The following CACNA1B variants were observed in gnomAD, a reference collection of about 807,000 sequenced individuals.
CACNA1B encodes voltage-dependent N-type calcium channel subunit alpha-1B.
Under a neutral mutation model 247.2 loss-of-function variants are expected in CACNA1B, and 70 were observed. That is an observed-to-expected ratio of 0.28 (90% confidence interval 0.23 to 0.35). The LOEUF (loss-of-function observed/expected upper bound fraction) is 0.35, where lower values mean the gene tolerates loss of function less well. Ranked by LOEUF, CACNA1B falls within the 10% of genes least tolerant of loss-of-function variation. CACNA1B has a pLI of 1.00. For missense variants in CACNA1B, 2,367 were observed against 3,197.4 expected (o/e 0.74, Z 6.26); for synonymous variants, 1,231 against 1,294.4 (o/e 0.95, Z 1.05).
Position 137,957,032 on chromosome 9 carries a change from G to C in CACNA1B, c.1243+205G>C, listed in dbSNP as rs902056845. 6.6e-6 allele frequency among the ~76,000 whole-genome samples: 1 copy of C among 152,248 alleles called. No homozygotes were observed. The highest frequency in any genetic ancestry group is 1.5e-5 in the Non-Finnish European group (1 of 68,040). On this transcript the variant is annotated intron_variant, in intron 9 of 46. Coordinates refer to ENST00000371372, the MANE Select transcript of CACNA1B (RefSeq NM_000718.4). This position sits in a 1 kb window ranked among gnomAD's most constrained non-coding sequence, Gnocchi z 4.7. ...CCACACTGCAGGTTTAAACCGAGCT[G>C]TGTCTATCCCCAGGGCTTGGGGTGC...
chr9:138,036,953 T>C (rs1383729181), intron 20 of CACNA1B, among the ~76,000 whole-genome samples: 1 of 152,250 alleles, frequency 6.6e-6, no homozygotes, highest in Non-Finnish European at 1.5e-5. Flanking sequence ...GTTCAAATTT[T>C]ACTAGTTATT....
chr9:138,076,908 C>T (rs1564275141), intron 35 of CACNA1B, among the ~76,000 whole-genome samples: 2 of 152,228 alleles, frequency 1.3e-5, no homozygotes, highest in South Asian at 4.1e-4. Context: ...CTTTGCATAA[C>T]ATAAGCAAGC....
intron 43 of CACNA1B, 71 bp from the exon 44 acceptor site, chr9:138,118,581 G>C (rs1321968795): frequency 1.4e-6 from 1 of 736,248 alleles, no homozygotes; most frequent in Non-Finnish European, 2.3e-6. Flanking sequence ...CTCATGGAGT[G>C]AGTCCGGGGT....
chr9:138,032,477 G>T (rs11137345), intron 20 of CACNA1B, among the ~76,000 whole-genome samples: 29,591 of 151,886 alleles, frequency 0.19, 7,709 homozygotes, highest in African/African-American at 0.6. Context: ...TTATTCTTTC[G>T]TCCTTCCTGA....
chr9:137,918,036 C>A (rs1431827535), intron 6 of CACNA1B, among the ~76,000 whole-genome samples: 1 of 152,238 alleles, frequency 6.6e-6, no homozygotes, highest in Admixed American at 6.5e-5. Context: ...CTTCCTCGGT[C>A]ACGCAGGGAT....
intron 10 of CACNA1B, among the ~76,000 whole-genome samples, chr9:137,960,915 AGAT>A (rs1564209246): frequency 6.6e-6 from 1 of 152,008 alleles, no homozygotes; most frequent in African/African-American, 2.4e-5. Flanking sequence ...GATTGGGGTG[AGAT>A]GATATCTCAT....
At chr9:138,043,988 T>C (rs1015814962) in intron 21 of CACNA1B, 88 bp downstream of exon 21, 14 of 1,476,578 alleles carry the variant, frequency 9.5e-6, no homozygotes, top group Admixed American at 5.5e-5. Flanking sequence ...CGTGCACTGA[T>C]TCTGCGCACT....
chr9:137,947,975 CTTT>C (rs71387878), intron 6 of CACNA1B, among the ~76,000 whole-genome samples: 3 of 79,442 alleles, frequency 3.8e-5, no homozygotes, highest in African/African-American at 5.9e-5. Flanking sequence ...TTCAGCATTC[CTTT>C]TTTTTTTTTT....
Position 138,118,019 on chromosome 9 carries a change from G to T in CACNA1B, c.5851G>T (p.Ala1951Ser). The change falls in exon 43 of 47, where the codon GCC (alanine) becomes TCC (serine). Residue 1951 changes from alanine (A) to serine (S), a missense_variant. Around this residue, in one of 12 missense-constraint regions of CACNA1B, gnomAD observed 773 missense variants for 779.4 expected, o/e 0.99. Coordinates refer to ENST00000371372, the MANE Select transcript of CACNA1B (RefSeq NM_000718.4). ...AAGGACCCAGGATGCACCCCATGAGGCCAGGCCACCCCTGGAGCGTGGCCA... is the reference window on the plus strand; with the variant it reads ...AAGGACCCAGGATGCACCCCATGAGTCCAGGCCACCCCTGGAGCGTGGCCA... ...TQRTQDAPHEARPPLERGHST... is the reference protein window; with the variant it reads ...TQRTQDAPHESRPPLERGHST... 2 of 1,600,902 alleles carry T rather than the reference G, an allele frequency of 1.2e-6. No individual in the cohort carries two copies. The highest frequency in any genetic ancestry group is 1.7e-6 in the Non-Finnish European group (2 of 1,173,668).
At chr9:138,093,863 G>A (rs946829432) in intron 36 of CACNA1B, among the ~76,000 whole-genome samples, 1 of 152,154 alleles carries the variant, frequency 6.6e-6, no homozygotes, top group Non-Finnish European at 1.5e-5. Context: ...TAGTATGATA[G>A]TTCCTCAAAA....
In CACNA1B at chr9:138,051,124, A is replaced by G. The variant is rs1959260410; in HGVS notation, c.3711-968A>G. 1.3e-5 allele frequency among the ~76,000 whole-genome samples: 2 copies of G among 152,028 alleles called. No homozygotes were observed. Among genetic ancestry groups the G allele is most frequent in the African/African-American group, 4.8e-5 (2 of 41,388 alleles). On this transcript the variant is annotated intron_variant, in intron 24 of 46. Coordinates refer to ENST00000371372, the MANE Select transcript of CACNA1B (RefSeq NM_000718.4). This position sits in a 1 kb window ranked among gnomAD's most constrained non-coding sequence, Gnocchi z 4.3. Reference sequence around the variant, plus strand: ...TCAGCTCCCACCCTCACCTCCCACCAAGTAGAGTGGCTTTGCTTCTGAGAA... The same window carrying G: ...TCAGCTCCCACCCTCACCTCCCACCGAGTAGAGTGGCTTTGCTTCTGAGAA...
intron 36 of CACNA1B, among the ~76,000 whole-genome samples, chr9:138,091,956 C>G (rs981592199): frequency 6.6e-6 from 1 of 152,102 alleles, no homozygotes; most frequent in African/African-American, 2.4e-5. Flanking sequence ...TCTGTGATGC[C>G]CCTTGAACTG....
Position 138,121,695 on chromosome 9 carries a change from T to A in CACNA1B, c.6716T>A (p.Leu2239Gln), listed in dbSNP as rs1468256173. The A allele has an allele frequency of 6.2e-7, 1 of 1,613,358 alleles. No homozygotes were observed. The highest frequency in any genetic ancestry group is 2.2e-5 in the East Asian group (1 of 44,844). The stretch of plus-strand genomic sequence containing the variant: ...GGGCTTTCCGAACACAACGCCCTGC[T>A]GCAGAGAGACCCCCTCAGCCAGCCC... Reference protein sequence around the residue: ...SRGLSEHNALLQRDPLSQPLA... With the variant: ...SRGLSEHNALQQRDPLSQPLA... The change falls in exon 47 of 47, where the codon CTG becomes CAG. Residue 2239 changes from leucine (L) to glutamine (Q), a missense_variant. By Grantham distance (113) the Leu-to-Gln change is moderately radical. Around this residue, in one of 12 missense-constraint regions of CACNA1B, gnomAD observed 773 missense variants for 779.4 expected, o/e 0.99. Transcript: ENST00000371372. The surrounding 1 kb of genome is among the most constrained non-coding windows in gnomAD (Gnocchi z 6.8).
chr9:138,040,483 T>C lies in CACNA1B; in HGVS notation c.3287-3291T>C, dbSNP rs559518152. On this transcript the variant is annotated intron_variant, in intron 20 of 46. Coordinates refer to ENST00000371372, the MANE Select transcript of CACNA1B (RefSeq NM_000718.4). Reference sequence around the variant, plus strand: ...ATATATATGTATCTCCTATATATCATATATATATATATAAATGATATATGT... The same window carrying C: ...ATATATATGTATCTCCTATATATCACATATATATATATAAATGATATATGT... 212 of 210,594 alleles carry C rather than the reference T, an allele frequency of 1.0e-3. 4 individuals carry two copies. In the South Asian group the frequency reaches 0.015, roughly 15 times the overall value. 13.0% of individuals were successfully genotyped at this position (210,594 alleles called of 1,614,324 possible).
intron 7 of CACNA1B, among the ~76,000 whole-genome samples, chr9:137,953,284 C>T (rs1004319902): frequency 6.6e-6 from 1 of 152,230 alleles, no homozygotes; most frequent in African/African-American, 2.4e-5. Flanking sequence ...ACCTTGGCCT[C>T]AGCTCCCCAG....
chr9:138,017,827 A>G (rs1958812193), intron 18 of CACNA1B, among the ~76,000 whole-genome samples: 1 of 152,304 alleles, frequency 6.6e-6, no homozygotes, highest in South Asian at 2.1e-4. Flanking sequence ...GTGCTCATGG[A>G]TGGCTGGTCC....
At chr9:137,893,931 C>T (rs563405132) in intron 3 of CACNA1B, among the ~76,000 whole-genome samples, 74 of 152,334 alleles carry the variant, frequency 4.9e-4, no homozygotes, top group Admixed American at 4.8e-3. Context: ...ACTTACCTCA[C>T]CCACCTTCCC....
intron 3 of CACNA1B, among the ~76,000 whole-genome samples, chr9:137,904,677 C>T (rs527858949): frequency 9.9e-5 from 15 of 152,182 alleles, no homozygotes; most frequent in Non-Finnish European, 1.5e-4. Context: ...CCGCCTCCCC[C>T]CTCCTCCTGC....
Position 138,011,242 on chromosome 9 carries a change from C to T in CACNA1B, c.2160+1165C>T, listed in dbSNP as rs1414503289. 6.6e-6 allele frequency among the ~76,000 whole-genome samples: 1 copy of T among 152,212 alleles called. No individual in the cohort carries two copies. The highest frequency in any genetic ancestry group is 1.5e-5 in the Non-Finnish European group (1 of 68,034). ...CTTGGAGCCCGGGGCCCTAGCTGTCCTGGGTGGGCTGCACTGGAGCGCTGG... is the reference window on the plus strand; with the variant it reads ...CTTGGAGCCCGGGGCCCTAGCTGTCTTGGGTGGGCTGCACTGGAGCGCTGG... On this transcript the variant is annotated intron_variant, in intron 17 of 46. Transcript: ENST00000371372. The surrounding 1 kb of genome is among the most constrained non-coding windows in gnomAD (Gnocchi z 4.2).
Sources: gnomAD v4.1 joint callset for allele counts (sites outside exome capture counted in the v4.1 genomes callset) on GRCh38, gnomAD v4.1.1 for gene constraint, gnomAD v4.1.1 regional missense constraint, Gnocchi (gnomAD v3.1) non-coding constraint, MANE v1.5 for transcripts, NCBI Gene and HGNC (gene_info 2026-07-23, HGNC 2026-07-21) for gene names.